The following CERS6 variants were observed in gnomAD, a reference collection of about 807,000 sequenced individuals.
CERS6 encodes the protein ceramide synthase 6, also known as LAG1 homolog, ceramide synthase 6.
In CERS6, 26 loss-of-function variants were observed where a neutral mutation model predicts 56.8. The ratio of observed to expected loss-of-function variants is 0.46; its 90% CI spans 0.34 to 0.63. The LOEUF (loss-of-function observed/expected upper bound fraction) is 0.63. Among genes scored for constraint, CERS6 ranks in the 30% least tolerant of loss-of-function variants. CERS6 has a pLI of 0.01. For synonymous variants in CERS6, 164 were observed against 173.3 expected (o/e 0.95, Z 0.42); for missense variants, 415 against 467.5 (o/e 0.89, Z 1.04).
At chr2:168,757,246 CT>C (rs1196591289) in intron 8 of CERS6, among the ~76,000 whole-genome samples, 1 of 151,948 alleles carries the variant, frequency 6.6e-6, no homozygotes, top group Non-Finnish European at 1.5e-5. Context: ...ACAGCCTTGC[CT>C]GGAAGGACTC....
Position 168,561,116 on chromosome 2 carries a change from A to G in CERS6, c.277-76A>G, listed in dbSNP as rs566153680. On this transcript the variant is annotated intron_variant, in intron 2 of 9. Transcript: ENST00000305747. ...ATAGGGGGAAAAAAACCTCTCAGAT[A>G]TAGACAAGGGCAGATCTGTTTATAG... 1,143 of 1,501,430 alleles carry G rather than the reference A, an allele frequency of 7.6e-4. 3 individuals are homozygous for G. The highest frequency in any genetic ancestry group is 2.5e-3 in the South Asian group (211 of 85,322). 93.0% of individuals were successfully genotyped at this position (1,501,430 alleles called of 1,614,324 possible). A position where few individuals can be genotyped will look rare whatever the true frequency, so the allele number is the denominator to read the frequency against.
chr2:168,592,085 G>A (rs1683685239), intron 3 of CERS6, among the ~76,000 whole-genome samples: 1 of 152,126 alleles, frequency 6.6e-6, no homozygotes, highest in Admixed American at 6.5e-5. Flanking sequence ...ATTTAGGAGG[G>A]GGGATGAGAA....
intron 8 of CERS6, among the ~76,000 whole-genome samples, chr2:168,741,324 T>C (rs951863260): frequency 2.7e-5 from 4 of 148,958 alleles, no homozygotes; most frequent in Non-Finnish European, 5.9e-5. Context: ...CTCATAAATA[T>C]CCAAGAGGAG....
intron 1 of CERS6, among the ~76,000 whole-genome samples, chr2:168,477,631 C>T (rs987968725): frequency 6.6e-6 from 1 of 152,168 alleles, no homozygotes; most frequent in Non-Finnish European, 1.5e-5. Flanking sequence ...GTACGTCTTT[C>T]TTTCTTTCCA....
chr2:168,765,097 C>A (rs1197214418), intron 8 of CERS6, among the ~76,000 whole-genome samples: 1 of 152,128 alleles, frequency 6.6e-6, no homozygotes, highest in Non-Finnish European at 1.5e-5. Flanking sequence ...AAGCCTGTCA[C>A]AAAAGGACAA....
intron 8 of CERS6, among the ~76,000 whole-genome samples, chr2:168,751,248 C>G (rs2105445242): frequency 6.6e-6 from 1 of 152,298 alleles, no homozygotes; most frequent in East Asian, 1.9e-4. Context: ...AGTTGATCAC[C>G]TTTTCTAAAG....
chr2:168,721,058 T>G (rs879538418), intron 8 of CERS6, among the ~76,000 whole-genome samples: 11 of 152,296 alleles, frequency 7.2e-5, no homozygotes, highest in South Asian at 2.1e-4. Flanking sequence ...ATTACTGATG[T>G]ATTTGTGTTG....
chr2:168,701,163 T>C (rs901348274), intron 6 of CERS6, among the ~76,000 whole-genome samples: 1 of 152,246 alleles, frequency 6.6e-6, no homozygotes, highest in Non-Finnish European at 1.5e-5. Flanking sequence ...CAACCAATGA[T>C]AACATGTAAT....
intron 1 of CERS6, among the ~76,000 whole-genome samples, chr2:168,468,183 C>G (rs1053152377): frequency 2.6e-5 from 4 of 152,184 alleles, no homozygotes; most frequent in Non-Finnish European, 4.4e-5. Flanking sequence ...GGCCTCTGCT[C>G]TGGCTTCTGT....
At chr2:168,625,925 G>A (rs1574109358) in intron 3 of CERS6, among the ~76,000 whole-genome samples, 1 of 152,162 alleles carries the variant, frequency 6.6e-6, no homozygotes, top group South Asian at 2.1e-4. Flanking sequence ...CAATTATGCA[G>A]CATCCACTAA....
intron 1 of CERS6, among the ~76,000 whole-genome samples, chr2:168,503,034 C>T (rs142270263): frequency 5.1e-4 from 78 of 152,182 alleles, no homozygotes; most frequent in African/African-American, 1.6e-3. Context: ...AGTGACCTGG[C>T]GGGAGGGGAT....
chr2:168,595,920 G>A (rs370582850), intron 3 of CERS6, among the ~76,000 whole-genome samples: 9 of 151,934 alleles, frequency 5.9e-5, no homozygotes, highest in East Asian at 5.8e-4. Flanking sequence ...TCTTCCAGAT[G>A]TAAAGGAAAG....
In CERS6 at chr2:168,769,496, C is replaced by G. The variant is rs372304719; in HGVS notation, c.1003-14C>G. 6.4e-7 allele frequency: 1 copy of G among 1,571,018 alleles called. No homozygotes were observed. The highest frequency in any genetic ancestry group is 8.6e-7 in the Non-Finnish European group (1 of 1,163,216). ...CTTAGGTGCTGGTTATACTCACCTGCTTCTACTCCACAGGTGTCCAAGGAT... is the reference window on the plus strand; with the variant it reads ...CTTAGGTGCTGGTTATACTCACCTGGTTCTACTCCACAGGTGTCCAAGGAT... On this transcript the variant is annotated splice_polypyrimidine_tract_variant and intron_variant, in intron 9 of 9. Coordinates refer to ENST00000305747, the MANE Select transcript of CERS6 (RefSeq NM_203463.3).
At chr2:168,556,879 G>A (rs143807954) in intron 2 of CERS6, among the ~76,000 whole-genome samples, 39 of 151,690 alleles carry the variant, frequency 2.6e-4, no homozygotes, top group Non-Finnish European at 4.3e-4. Flanking sequence ...AAGAGGCTGG[G>A]CATGGTGCTT....
At chr2:168,571,886 G>C (rs1158661957) in intron 3 of CERS6, among the ~76,000 whole-genome samples, 1 of 152,156 alleles carries the variant, frequency 6.6e-6, no homozygotes, top group Non-Finnish European at 1.5e-5. Flanking sequence ...AAGGTGAGCT[G>C]CTGGCAAATT....
At chr2:168,540,383 A>C (rs1695345428) in intron 1 of CERS6, among the ~76,000 whole-genome samples, 1 of 152,330 alleles carries the variant, frequency 6.6e-6, no homozygotes, top group East Asian at 1.9e-4. Flanking sequence ...ACTGAAGGCA[A>C]AGAAGAAGCA....
chr2:168,679,502 T>C (rs1686154929), intron 4 of CERS6, among the ~76,000 whole-genome samples: 1 of 152,212 alleles, frequency 6.6e-6, no homozygotes, highest in Non-Finnish European at 1.5e-5. Context: ...ATGTGTCTAT[T>C]AGGGGTTGTT....
At chr2:168,740,995 G>A (rs796906746) in intron 8 of CERS6, among the ~76,000 whole-genome samples, 3 of 152,226 alleles carry the variant, frequency 2.0e-5, no homozygotes, top group African/African-American at 7.2e-5. Context: ...ATGGGTAAAG[G>A]AGATAGAGGT....
At chr2:168,477,173 C>CAGAGAGAGAGAGAGAG (rs10609883) in intron 1 of CERS6, among the ~76,000 whole-genome samples, 20 of 115,530 alleles carry the variant, frequency 1.7e-4, no homozygotes, top group African/African-American at 6.3e-4. Context: ...GAGGGAGAGA[C>CAGAGAGAGAGAGAGAG]AGAGAGAGAG....
Sources: allele counts gnomAD v4.1 joint callset (sites outside exome capture counted in the v4.1 genomes callset), GRCh38; gene constraint gnomAD v4.1.1; transcripts MANE v1.5; gene names NCBI Gene and HGNC (gene_info 2026-07-23, HGNC 2026-07-21).